Variants in ZNF462 observed in about 807,000 individuals in gnomAD.
The protein encoded by ZNF462 is zinc finger PBX1-interacting protein.
Under a neutral mutation model 201.9 loss-of-function variants are expected in ZNF462, and 10 were observed. That is an observed-to-expected ratio of 0.05 (90% confidence interval 0.03 to 0.08). The LOEUF is 0.08. Among genes scored for constraint, ZNF462 ranks in the 10% least tolerant of loss-of-function variants. ZNF462 has a pLI of 1.00. For synonymous variants in ZNF462, 1,227 were observed against 1,193.3 expected (o/e 1.03, Z -0.58); for missense variants, 2,523 against 3,168.3 (o/e 0.80, Z 4.89).
Position 106,927,204 on chromosome 9 carries a change from T to TGGGCCCCCC in ZNF462, c.3292_3293insGGGCCCCCC (p.Ser1098delinsTrpAlaProPro). On this transcript the variant is annotated protein_altering_variant, in exon 3 of 13. Transcript: ENST00000277225. ...GTCTCCCAAAATGTCCAACATGGGT[T>TGGGCCCCCC]CCCCACCCCCCCCACAACCCCCGCC... is the stretch of plus-strand genomic sequence containing the variant. The TGGGCCCCCC allele has an allele frequency of 6.4e-7, 1 of 1,570,612 alleles. No individual in the cohort carries two copies. Among genetic ancestry groups the TGGGCCCCCC allele is most frequent in the Non-Finnish European group, 8.7e-7 (1 of 1,149,958 alleles).
intron 1 of ZNF462, among the ~76,000 whole-genome samples, chr9:106,921,016 G>A (rs2131401712): frequency 6.6e-6 from 1 of 152,318 alleles, no homozygotes; most frequent in Non-Finnish European, 1.5e-5. Flanking sequence ...CAGCCTTTGT[G>A]TTGAAGGGTG....
At chr9:106,900,025 A>G (rs1434051912) in intron 1 of ZNF462, among the ~76,000 whole-genome samples, 1 of 140,492 alleles carries the variant, frequency 7.1e-6, no homozygotes, top group South Asian at 2.5e-4. Flanking sequence ...CCCAAAGTCC[A>G]TTGTATTGTT....
chr9:106,892,965 G>A (rs576782673), intron 1 of ZNF462, among the ~76,000 whole-genome samples: 8 of 152,282 alleles, frequency 5.3e-5, no homozygotes, highest in Admixed American at 3.9e-4. Flanking sequence ...GAACTAGGGG[G>A]AAGATGACAC....
chr9:106,983,227 C>T (rs191803519), intron 9 of ZNF462, among the ~76,000 whole-genome samples: 8 of 152,302 alleles, frequency 5.3e-5, no homozygotes, highest in East Asian at 3.9e-4. Flanking sequence ...AACAAGCACA[C>T]GCATTTCCAG....
rs1013385858 is a variant in ZNF462, at chr9:106,933,269, A to G, written c.6116+720A>G. ...CATGCTTTTTAAAACAATTTTTTTAATGAAATAAATGATGGACTATTTGCT... is the reference window on the plus strand; with the variant it reads ...CATGCTTTTTAAAACAATTTTTTTAGTGAAATAAATGATGGACTATTTGCT... On this transcript the variant is annotated intron_variant, in intron 5 of 12. Transcript: ENST00000277225. The surrounding 1 kb of genome is among the most constrained non-coding windows in gnomAD (Gnocchi z 4.3). 3 of 152,574 alleles carry G rather than the reference A, an allele frequency of 2.0e-5. No individual in the cohort carries two copies. The highest frequency in any genetic ancestry group is 4.4e-5 in the Non-Finnish European group (3 of 68,326). 9.5% of individuals were successfully genotyped at this position (152,574 alleles called of 1,614,324 possible).
Position 106,926,243 on chromosome 9 carries a change from C to T in ZNF462, c.2331C>T (p.Ile777=). The change falls in exon 3 of 13, where the codon ATC becomes ATT. Residue 777 remains isoleucine, a synonymous_variant. Coordinates refer to ENST00000277225, the MANE Select transcript of ZNF462 (RefSeq NM_021224.6). The surrounding 1 kb of genome is among the most constrained non-coding windows in gnomAD (Gnocchi z 7.9). ...EPQKEPNFRN[I]THDYNATNGA... ...AGAAAGAGCCCAACTTCAGAAACAT[C>T]ACCCACGATTACAATGCCACCAATG... is the stretch of plus-strand genomic sequence containing the variant. 1 of 1,614,200 alleles carries T rather than the reference C, an allele frequency of 6.2e-7. No homozygotes were observed. The highest frequency in any genetic ancestry group is 8.5e-7 in the Non-Finnish European group (1 of 1,180,046).
chr9:106,877,462 A>G (rs1379533257), intron 1 of ZNF462, among the ~76,000 whole-genome samples: 1 of 151,660 alleles, frequency 6.6e-6, no homozygotes, highest in East Asian at 1.9e-4. Flanking sequence ...GATCTCAAGC[A>G]CACTGTAAGC....
intron 10 of ZNF462, among the ~76,000 whole-genome samples, chr9:106,985,403 A>T (rs1827762745): frequency 1.3e-5 from 2 of 152,176 alleles, no homozygotes; most frequent in Non-Finnish European, 2.9e-5. Context: ...ATTTGTGAAA[A>T]AAAATTCTCT....
chr9:106,889,205 T>C (rs1256552413), intron 1 of ZNF462, among the ~76,000 whole-genome samples: 2 of 152,204 alleles, frequency 1.3e-5, no homozygotes, highest in African/African-American at 2.4e-5. Context: ...TCAGTAAGTA[T>C]GTCCACTCCC....
chr9:106,933,992 A>T lies in ZNF462; in HGVS notation c.6116+1443A>T. The stretch of plus-strand genomic sequence containing the variant: ...GACCATATTTGGAGTTTTAAATGCC[A>T]GGAAATAGTATTTCATAATTTAAAT... On this transcript the variant is annotated intron_variant, in intron 5 of 12. Coordinates refer to ENST00000277225, the MANE Select transcript of ZNF462 (RefSeq NM_021224.6). The surrounding 1 kb of genome is among the most constrained non-coding windows in gnomAD (Gnocchi z 4.3). Among the ~76,000 whole-genome samples the T allele has an allele frequency of 6.6e-6, 1 of 152,228 alleles. No individual in the cohort carries two copies. The highest frequency in any genetic ancestry group is 2.4e-5 in the African/African-American group (1 of 41,466).
At position 106,920,905 on chromosome 9, in the gene ZNF462, C is replaced by T. The variant is rs142363052; in HGVS notation, c.-30-2449C>T. The stretch of plus-strand genomic sequence containing the variant: ...ACACACAGCAGAAAGCCTTTTGTTG[C>T]ATTATTTCTAAAGGCTTGAAGTTTT... On this transcript the variant is annotated intron_variant, in intron 1 of 12. Coordinates refer to ENST00000277225, the MANE Select transcript of ZNF462 (RefSeq NM_021224.6). The surrounding 1 kb of genome is among the most constrained non-coding windows in gnomAD (Gnocchi z 4.3). Among the ~76,000 whole-genome samples the T allele has an allele frequency of 2.0e-5, 3 of 152,242 alleles. No homozygotes were observed. The East Asian group carries it at 5.8e-4, about 29-fold the overall frequency.
chr9:106,959,043 C>G (rs1328986292), intron 7 of ZNF462, among the ~76,000 whole-genome samples: 1 of 152,096 alleles, frequency 6.6e-6, no homozygotes, highest in Admixed American at 6.6e-5. Context: ...CTTTTTGAAG[C>G]AAGTTGATTT....
chr9:106,997,650 TAG>T (rs1419178351), intron 10 of ZNF462, among the ~76,000 whole-genome samples: 1 of 152,144 alleles, frequency 6.6e-6, no homozygotes, highest in African/African-American at 2.4e-5. Flanking sequence ...TAAGAAATCG[TAG>T]AGACAATACT....
At chr9:106,937,172 C>G (rs996877412) in intron 6 of ZNF462, among the ~76,000 whole-genome samples, 1 of 152,072 alleles carries the variant, frequency 6.6e-6, no homozygotes, top group Non-Finnish European at 1.5e-5. Context: ...TCGTGCAACT[C>G]ACAGCCACCA....
chr9:106,973,371 T>C (rs1465302067), intron 8 of ZNF462, among the ~76,000 whole-genome samples: 4 of 152,170 alleles, frequency 2.6e-5, no homozygotes, highest in Non-Finnish European at 5.9e-5. Flanking sequence ...TGGGATTTGA[T>C]GGAACGTGTG....
chr9:106,865,869 C>T lies in ZNF462; in HGVS notation c.-31+2514C>T, dbSNP rs534590673. 6.6e-5 allele frequency among the ~76,000 whole-genome samples: 10 copies of T among 152,226 alleles called. No individual in the cohort carries two copies. In the South Asian group the frequency reaches 1.9e-3, roughly 28 times the overall value. ...TAGTCCACACACATTGATGGGAGCTCTTCACATATTAGTTTTAGAGAATGT... is the reference window on the plus strand; with the variant it reads ...TAGTCCACACACATTGATGGGAGCTTTTCACATATTAGTTTTAGAGAATGT... On this transcript the variant is annotated intron_variant, in intron 1 of 12. Transcript: ENST00000277225. The surrounding 1 kb of genome is among the most constrained non-coding windows in gnomAD (Gnocchi z 4.1).
chr9:106,948,880 T>A (rs1236535408), intron 7 of ZNF462, among the ~76,000 whole-genome samples: 2 of 151,876 alleles, frequency 1.3e-5, no homozygotes, highest in Non-Finnish European at 2.9e-5. Context: ...GTATATTATA[T>A]TTAAGGTGGG....
chr9:106,957,025 C>T (rs1412152099), intron 7 of ZNF462, among the ~76,000 whole-genome samples: 3 of 152,180 alleles, frequency 2.0e-5, no homozygotes, highest in Non-Finnish European at 2.9e-5. Context: ...TTTTAATTTT[C>T]CTCAAGAACT....
rs942765204 is a variant in ZNF462 at position 106,876,066 on chromosome 9, G to A, written c.-31+12711G>A. ...GGTGAAAATGCAGTTCTCTGTGCAG[G>A]GGTCTCTGTTAAGAAAGTGATGTGT... On this transcript the variant is annotated intron_variant, in intron 1 of 12. Coordinates refer to ENST00000277225, the MANE Select transcript of ZNF462 (RefSeq NM_021224.6). The surrounding 1 kb of genome is among the most constrained non-coding windows in gnomAD (Gnocchi z 4.9). 2.0e-5 allele frequency among the ~76,000 whole-genome samples: 3 copies of A among 152,126 alleles called. No homozygotes were observed. Among genetic ancestry groups the A allele is most frequent in the East Asian group, 3.9e-4 (2 of 5,166 alleles).
Sources: gnomAD v4.1 joint callset for allele counts (sites outside exome capture counted in the v4.1 genomes callset) on GRCh38, gnomAD v4.1.1 for gene constraint, Gnocchi (gnomAD v3.1) non-coding constraint, MANE v1.5 for transcripts, NCBI Gene and HGNC (gene_info 2026-07-23, HGNC 2026-07-21) for gene names.